The following MBP variants were observed in gnomAD, a reference collection of about 807,000 sequenced individuals.
MBP encodes the protein myelin basic protein, also known as Golli-MBP.
A neutral mutation model predicts 35.8 loss-of-function variants in MBP; 16 were observed. The observed-to-expected ratio is 0.45, with a 90% CI of 0.30 to 0.68. The LOEUF is 0.68. Ranked by LOEUF, MBP falls within the 30% of genes least tolerant of loss-of-function variation. The probability of loss-of-function intolerance (pLI) is 0.08; values close to 1 mark genes in which losing one functional copy is unlikely to be tolerated. For synonymous variants in MBP, 143 were observed against 159.6 expected (o/e 0.90, Z 0.78); for missense variants, 380 against 404.7 (o/e 0.94, Z 0.52).
At chr18:77,091,568 G>A (rs1028289105) in intron 2 of MBP, among the ~76,000 whole-genome samples, 9 of 150,360 alleles carry the variant, frequency 6.0e-5, no homozygotes, top group South Asian at 4.2e-4. Flanking sequence ...CACGGATGAC[G>A]TCTGCAGGGC....
intron 3 of MBP, among the ~76,000 whole-genome samples, chr18:77,054,060 T>C (rs1973625283): frequency 6.6e-6 from 1 of 152,252 alleles, no homozygotes; most frequent in East Asian, 1.9e-4. Context: ...CCCCTCGGCC[T>C]GGTCTGCAGG....
At chr18:77,040,769 C>G (rs896113542) in intron 3 of MBP, among the ~76,000 whole-genome samples, 5 of 152,184 alleles carry the variant, frequency 3.3e-5, no homozygotes, top group African/African-American at 9.7e-5. Context: ...ACACCTTATA[C>G]AAAAATTAAT....
At chr18:77,038,998 A>C (rs1461532318) in intron 3 of MBP, among the ~76,000 whole-genome samples, 1 of 152,236 alleles carries the variant, frequency 6.6e-6, no homozygotes, top group African/African-American at 2.4e-5. Context: ...AAAGGTGAGA[A>C]TATTTTTTTA....
chr18:77,042,540 T>C (rs926581959), intron 3 of MBP, among the ~76,000 whole-genome samples: 3 of 152,242 alleles, frequency 2.0e-5, no homozygotes, highest in African/African-American at 7.2e-5. Context: ...TATTGCGGGA[T>C]AGACATGACC....
At chr18:77,027,883 C>A (rs1411577315) in intron 3 of MBP, among the ~76,000 whole-genome samples, 1 of 152,166 alleles carries the variant, frequency 6.6e-6, no homozygotes, top group Non-Finnish European at 1.5e-5. Flanking sequence ...AAGACAAGGT[C>A]TTGCTGTGTT....
At chr18:77,068,413 G>T (rs144086295) in intron 2 of MBP, among the ~76,000 whole-genome samples, 1 of 143,590 alleles carries the variant, frequency 7.0e-6, no homozygotes, top group African/African-American at 2.5e-5. Flanking sequence ...AGGAAGTCCC[G>T]TCTGCTTTAA....
intron 4 of MBP, among the ~76,000 whole-genome samples, chr18:77,000,237 G>A (rs759763214): frequency 3.3e-5 from 5 of 152,158 alleles, no homozygotes; most frequent in Non-Finnish European, 4.4e-5. Flanking sequence ...TTCTACCACC[G>A]AAGGATGACC....
intron 3 of MBP, among the ~76,000 whole-genome samples, chr18:77,029,467 A>AGC (rs1972458939): frequency 9.7e-6 from 1 of 103,360 alleles, no homozygotes; most frequent in Non-Finnish European, 1.9e-5. Flanking sequence ...GGAGGGGGAG[A>AGC]GGGACCCCAG....
At position 76,984,714 on chromosome 18, in the gene MBP, A is replaced by T. The variant is rs368841079; in HGVS notation, c.870+61T>A. ...CGGCAGCCACCCTTGTACTCAGCTT[A>T]GTTGGGGATTCTGGGAGCCCTTAGT... is the stretch of plus-strand genomic sequence containing the variant. On this transcript the variant is annotated intron_variant, in intron 8 of 8. Transcript: ENST00000355994. 40 of 1,610,254 alleles carry T rather than the reference A, an allele frequency of 2.5e-5. 1 individual carries two copies. The Admixed American group carries it at 6.5e-4, about 26-fold the overall frequency.
In MBP at chr18:77,057,824, G is replaced by GTTTTTTTTTTTTTTTT. The variant is rs780881071; in HGVS notation, c.139+8458_139+8473dup. Among the ~76,000 whole-genome samples the GTTTTTTTTTTTTTTTT allele has an allele frequency of 2.9e-3, 27 of 9,196 alleles. 10 individuals are homozygous for GTTTTTTTTTTTTTTTT. The highest frequency in any genetic ancestry group is 0.017 in the African/African-American group (20 of 1,206). 6.0% of individuals were successfully genotyped at this position (9,196 alleles called of 152,430 possible). ...GGGACACCTGAGGAAGGCGGGGAGT[G>GTTTTTTTTTTTTTTTT]TTTTTTTTTTTTTTTTTTTTGAGAC... is the stretch of plus-strand genomic sequence containing the variant. On this transcript the variant is annotated intron_variant, in intron 3 of 8. Transcript: ENST00000355994.
intron 3 of MBP, among the ~76,000 whole-genome samples, chr18:77,026,197 C>A (rs889087921): frequency 1.3e-5 from 2 of 152,246 alleles, no homozygotes; most frequent in African/African-American, 2.4e-5. Flanking sequence ...CTGAACTCAG[C>A]GCTTTTCACG....
chr18:77,104,922 C>A (rs1451041157), intron 2 of MBP, among the ~76,000 whole-genome samples: 5 of 152,004 alleles, frequency 3.3e-5, no homozygotes, highest in Non-Finnish European at 7.4e-5. Flanking sequence ...TTTTTCCTCC[C>A]TTTCTTTCTT....
At chr18:77,072,719 T>A (rs1046138013) in intron 2 of MBP, among the ~76,000 whole-genome samples, 2 of 152,232 alleles carry the variant, frequency 1.3e-5, no homozygotes, top group Non-Finnish European at 2.9e-5. Flanking sequence ...CCAGGACTCC[T>A]GGTGTGGCAG....
At chr18:77,042,464 G>A (rs1019904690) in intron 3 of MBP, among the ~76,000 whole-genome samples, 1 of 152,160 alleles carries the variant, frequency 6.6e-6, no homozygotes, top group Non-Finnish European at 1.5e-5. Flanking sequence ...AATATCCAGA[G>A]AATACTTTTA....
intron 2 of MBP, among the ~76,000 whole-genome samples, chr18:77,097,783 A>C (rs1975822757): frequency 6.6e-6 from 1 of 152,142 alleles, no homozygotes; most frequent in Non-Finnish European, 1.5e-5. Flanking sequence ...GGTGTTTTGG[A>C]AGGCAGAGCT....
chr18:77,063,268 T>C (rs1327269010), intron 3 of MBP, among the ~76,000 whole-genome samples: 1 of 152,128 alleles, frequency 6.6e-6, no homozygotes, highest in Non-Finnish European at 1.5e-5. Flanking sequence ...CAGGAAAGGG[T>C]CAGGCATGGG....
intron 2 of MBP, among the ~76,000 whole-genome samples, chr18:77,096,347 G>A (rs1285699544): frequency 2.0e-5 from 3 of 152,310 alleles, no homozygotes; most frequent in East Asian, 3.9e-4. Flanking sequence ...AAAGAGTTGG[G>A]TTTTAATGAT....
rs546501125 is a variant in MBP, at chr18:77,012,481, C to A, written c.576+4351G>T. ...ACCATAGAAAGACCAGAACACCGAA[C>A]TGTCAGGGGAGAGAAGACAGTAAAA... On this transcript the variant is annotated intron_variant, in intron 4 of 8. Transcript: ENST00000355994. Among the ~76,000 whole-genome samples, 27 of 152,342 alleles carry A rather than the reference C, an allele frequency of 1.8e-4. 2 individuals are homozygous for A. The South Asian group carries it at 5.6e-3, about 32-fold the overall frequency.
intron 3 of MBP, among the ~76,000 whole-genome samples, chr18:77,018,646 A>G (rs1163207697): frequency 7.2e-6 from 1 of 138,140 alleles, no homozygotes; most frequent in East Asian, 2.2e-4. Flanking sequence ...CCATCCACAT[A>G]TCAGTCCATT....
Sources: allele counts gnomAD v4.1 joint callset (sites outside exome capture counted in the v4.1 genomes callset), GRCh38; gene constraint gnomAD v4.1.1; transcripts MANE v1.5; gene names NCBI Gene and HGNC (gene_info 2026-07-23, HGNC 2026-07-21).